NOP53: variants seen among roughly 807,000 people sequenced by gnomAD.
NOP53 encodes ribosome biogenesis protein NOP53.
In NOP53, 40 loss-of-function variants were observed where a neutral mutation model predicts 61.0. That is an observed-to-expected ratio of 0.66 (90% CI 0.51 to 0.85). NOP53 has a LOEUF of 0.85. NOP53 is among the 40% of genes least tolerant of loss of function. NOP53 has a pLI of 0.00. For missense variants in NOP53, 689 were observed against 652.9 expected, an observed-to-expected ratio of 1.06 and a Z score of -0.60; for synonymous variants, 308 against 289.5, an observed-to-expected ratio of 1.06 and a Z score of -0.65.
intron 5 of NOP53, 120 bp downstream of exon 5, chr19:47,751,710 G>C (rs1019625458): frequency 1.4e-5 from 11 of 781,650 alleles, no homozygotes; most frequent in Non-Finnish European, 2.4e-5. Flanking sequence ...CGAGAACTCT[G>C]TGCTGGAGCC....
chr19:47,750,057 C>A, intron 2 of NOP53, 121 bp from the exon 3 acceptor site: 1 of 623,962 alleles, frequency 1.6e-6, no homozygotes, highest in Non-Finnish European at 2.9e-6. Context: ...CTGGGGACCT[C>A]CAAGTCTCCT....
In NOP53 at chr19:47,754,419, C is replaced by T. The variant is rs1441992743; in HGVS notation, c.766-108C>T. ...GGGGTGTGGGGAGGAAAGCCTGGGCCGGGGCGGGATCCACGGGCACTGGAT... is the reference window on the plus strand; with the variant it reads ...GGGGTGTGGGGAGGAAAGCCTGGGCTGGGGCGGGATCCACGGGCACTGGAT... On this transcript the variant is annotated intron_variant, in intron 6 of 12. Coordinates refer to ENST00000246802, the MANE Select transcript of NOP53 (RefSeq NM_015710.5). The surrounding 1 kb of genome is among the most constrained non-coding windows in gnomAD (Gnocchi z 4.2). 3.5e-5 allele frequency: 30 copies of T among 858,482 alleles called. No homozygotes were observed. In the East Asian group the frequency reaches 4.0e-4, roughly 11 times the overall value. The allele number at this position is 858,482 out of a possible 1,614,324, so 53.2% of individuals were successfully genotyped here. A position where few individuals can be genotyped will look rare whatever the true frequency, so the allele number is the denominator to read the frequency against.
At chr19:47,752,371 T>C in intron 5 of NOP53, 141 bp from the exon 6 acceptor site, 1 of 613,586 alleles carries the variant, frequency 1.6e-6, no homozygotes, top group Admixed American at 2.7e-5. Context: ...GGAGTCTTGC[T>C]CTGGAGTCAC....
intron 5 of NOP53, 138 bp downstream of exon 5, chr19:47,751,728 T>C: frequency 4.2e-6 from 3 of 706,868 alleles, no homozygotes; most frequent in Non-Finnish European, 7.6e-6. Flanking sequence ...GCCAGGTGGC[T>C]GGGATTCCTG....
chr19:47,752,150 A>G (rs976073536), intron 5 of NOP53, among the ~76,000 whole-genome samples: 12 of 152,146 alleles, frequency 7.9e-5, no homozygotes, highest in Non-Finnish European at 1.3e-4. Flanking sequence ...TTGTACTTAG[A>G]TCATGGGTCG....
intron 6 of NOP53, 142 bp downstream of exon 6, chr19:47,752,749 A>G: frequency 1.6e-6 from 1 of 621,574 alleles, no homozygotes; most frequent in Non-Finnish European, 2.9e-6. Context: ...GTCCAGTGCA[A>G]GAGACCTGTT....
chr19:47,749,069 G>A (rs1349517954), intron 2 of NOP53, among the ~76,000 whole-genome samples: 2 of 151,874 alleles, frequency 1.3e-5, no homozygotes, highest in Non-Finnish European at 2.9e-5. Flanking sequence ...GCTGAGGCAG[G>A]ATTGTTGCTT....
At chr19:47,751,703 G>C (rs1967127009) in intron 5 of NOP53, 113 bp downstream of exon 5, 3 of 829,808 alleles carry the variant, frequency 3.6e-6, no homozygotes, top group Non-Finnish European at 6.1e-6. Context: ...CAGTGGCCGA[G>C]AACTCTGTGC....
In NOP53 at chr19:47,750,892, C is replaced by A; in HGVS notation, c.399-16C>A. On this transcript the variant is annotated splice_polypyrimidine_tract_variant and intron_variant, in intron 3 of 12. Coordinates refer to ENST00000246802, the MANE Select transcript of NOP53 (RefSeq NM_015710.5). Reference sequence around the variant, plus strand: ...CCACCTCACCTGCTGCACTTGTGCCCCCTCTCCCCGACCAGCGTCCTCGCC... The same window carrying A: ...CCACCTCACCTGCTGCACTTGTGCCACCTCTCCCCGACCAGCGTCCTCGCC... 6.4e-7 allele frequency: 1 copy of A among 1,568,124 alleles called. No individual in the cohort carries two copies. The highest frequency in any genetic ancestry group is 8.6e-7 in the Non-Finnish European group (1 of 1,157,508).
chr19:47,754,837 C>A lies in NOP53; in HGVS notation c.999C>A (p.Thr333=). 1 of 1,542,698 alleles carries A rather than the reference C, an allele frequency of 6.5e-7. No homozygotes were observed. The highest frequency in any genetic ancestry group is 1.2e-5 in the South Asian group (1 of 82,682). ...EVCPTPARLA[T]TEKKTEQQRR... is the part of the protein sequence containing the mutation. ...GTCCCACGCCCGCCCGCCTGGCCACCACAGAGAAGAAGACGGAGCAGCAGC... is the reference window on the plus strand; with the variant it reads ...GTCCCACGCCCGCCCGCCTGGCCACAACAGAGAAGAAGACGGAGCAGCAGC... Residue 333 remains threonine, a synonymous_variant, in exon 8 of 13, where the codon ACC becomes ACA. Coordinates refer to ENST00000246802, the MANE Select transcript of NOP53 (RefSeq NM_015710.5). This position sits in a 1 kb window ranked among gnomAD's most constrained non-coding sequence, Gnocchi z 4.2.
In NOP53 at chr19:47,757,032, C is replaced by T. The variant is rs1010359737; in HGVS notation, c.*27C>T. The T allele has an allele frequency of 1.2e-6, 2 of 1,612,766 alleles. No individual in the cohort carries two copies. Among genetic ancestry groups the T allele is most frequent in the South Asian group, 2.2e-5 (2 of 91,048 alleles). ...TGCCATCAGATGCCGGAGACTCGCCCTTCAATAAAAAATCTCTTCTAGCTG... is the reference window on the plus strand; with the variant it reads ...TGCCATCAGATGCCGGAGACTCGCCTTTCAATAAAAAATCTCTTCTAGCTG... On this transcript the variant is annotated 3_prime_UTR_variant, in exon 13 of 13. Coordinates refer to ENST00000246802, the MANE Select transcript of NOP53 (RefSeq NM_015710.5).
rs1012769989 is a variant in NOP53, at chr19:47,754,387, G to C, written c.766-140G>C. 1.2e-5 allele frequency: 8 copies of C among 682,486 alleles called. No individual in the cohort carries two copies. Among genetic ancestry groups the C allele is most frequent in the Non-Finnish European group, 1.8e-5 (7 of 380,150 alleles). The allele number at this position is 682,486 out of a possible 1,614,324, so 42.3% of individuals were successfully genotyped here. ...TGGCTCTGTGCAGGGTGGGTGTGCT[G>C]GTAGACGGGGTGTGGGGAGGAAAGC... is the stretch of plus-strand genomic sequence containing the variant. On this transcript the variant is annotated intron_variant, in intron 6 of 12. Coordinates refer to ENST00000246802, the MANE Select transcript of NOP53 (RefSeq NM_015710.5). The surrounding 1 kb of genome is among the most constrained non-coding windows in gnomAD (Gnocchi z 4.2).
Position 47,755,536 on chromosome 19 carries a change from C to T in NOP53, c.1229+13C>T. On this transcript the variant is annotated intron_variant, in intron 9 of 12. Coordinates refer to ENST00000246802, the MANE Select transcript of NOP53 (RefSeq NM_015710.5). ...TGGGGCGGCTCAAGTGAGAACCAGG[C>T]CGGGGGTTCTGGGAGAGGCTGGGGA... 2 of 1,465,574 alleles carry T rather than the reference C, an allele frequency of 1.4e-6. No homozygotes were observed. Among genetic ancestry groups the T allele is most frequent in the South Asian group, 2.8e-5 (2 of 70,246 alleles). 90.8% of individuals were successfully genotyped at this position (1,465,574 alleles called of 1,614,324 possible). A position where few individuals can be genotyped will look rare whatever the true frequency, so the allele number is the denominator to read the frequency against.
chr19:47,755,269 G>A, intron 8 of NOP53, 79 bp from the exon 9 acceptor site: 2 of 1,003,234 alleles, frequency 2.0e-6, no homozygotes, highest in Non-Finnish European at 2.8e-6. Context: ...TTTGTGCAGG[G>A]AAGGCTCCCT....
chr19:47,750,561 G>A (rs1967111950), intron 3 of NOP53, among the ~76,000 whole-genome samples: 1 of 152,234 alleles, frequency 6.6e-6, no homozygotes, highest in East Asian at 1.9e-4. Flanking sequence ...GGGTCTTGGG[G>A]CATGAGCGGG....
At chr19:47,750,737 G>A (rs1170688863) in intron 3 of NOP53, among the ~76,000 whole-genome samples, 171 bp from the exon 4 acceptor site, 2 of 152,118 alleles carry the variant, frequency 1.3e-5, no homozygotes, top group African/African-American at 2.4e-5. Context: ...GGCCTAGGCT[G>A]GAGACAGACG....
chr19:47,756,765 C>T (rs759586679), intron 12 of NOP53, 21 bp downstream of exon 12: 23 of 1,611,532 alleles, frequency 1.4e-5, no homozygotes, highest in Non-Finnish European at 2.0e-5. Flanking sequence ...CCGGCTTCGG[C>T]GCAAGGAAGG....
At chr19:47,756,076 G>T in intron 10 of NOP53, 2 of 562,168 alleles carry the variant, frequency 3.6e-6, no homozygotes, top group South Asian at 2.1e-5. Context: ...TCACCTTTAG[G>T]ACTAGAGGGA....
At chr19:47,756,203 C>T in intron 10 of NOP53, 1 of 521,008 alleles carries the variant, frequency 1.9e-6, no homozygotes, top group Non-Finnish European at 3.5e-6. Context: ...GCCGACCCGG[C>T]CGTGGGGCTC....
Sources: gnomAD v4.1 joint callset for allele counts (sites outside exome capture counted in the v4.1 genomes callset) on GRCh38, gnomAD v4.1.1 for gene constraint, Gnocchi (gnomAD v3.1) non-coding constraint, MANE v1.5 for transcripts, NCBI Gene and HGNC (gene_info 2026-07-23, HGNC 2026-07-21) for gene names.